The following FRMD4A variants were observed in gnomAD, a reference collection of about 807,000 sequenced individuals.
FRMD4A encodes FERM domain-containing protein 4A.
FRMD4A carries 29 observed loss-of-function variants against 129.1 expected under a neutral mutation model. That is an observed-to-expected ratio of 0.22 (90% CI 0.17 to 0.31). FRMD4A has a LOEUF of 0.31. Among genes scored for constraint, FRMD4A ranks in the 10% least tolerant of loss-of-function variants. FRMD4A has a pLI of 1.00. For synonymous variants in FRMD4A, 634 were observed against 571.6 expected (o/e 1.11, Z -1.56); for missense variants, 1,272 against 1,375.8 (o/e 0.92, Z 1.19).
intron 13 of FRMD4A, among the ~76,000 whole-genome samples, chr10:13,701,864 A>G (rs547327341): frequency 8.5e-5 from 13 of 152,332 alleles, no homozygotes; most frequent in African/African-American, 2.9e-4. Flanking sequence ...AAATGTGCCT[A>G]CGGTGGGGAT....
chr10:13,691,237 C>T (rs896302941), intron 15 of FRMD4A, among the ~76,000 whole-genome samples: 1 of 152,256 alleles, frequency 6.6e-6, no homozygotes, highest in African/African-American at 2.4e-5. Context: ...ATCCGCCTGC[C>T]TTGGCCTCCC....
chr10:13,793,187 T>G (rs2093040887), intron 5 of FRMD4A, among the ~76,000 whole-genome samples: 1 of 151,242 alleles, frequency 6.6e-6, no homozygotes, highest in East Asian at 1.9e-4. Context: ...TTTTTTTTTT[T>G]GTGAGATGGG....
chr10:14,159,787 C>A (rs1290364380), intron 2 of FRMD4A, among the ~76,000 whole-genome samples: 1 of 152,234 alleles, frequency 6.6e-6, no homozygotes, highest in African/African-American at 2.4e-5. Context: ...CAGTGACTCC[C>A]TCCTGTAATC....
chr10:14,054,047 T>G (rs1834389684), intron 2 of FRMD4A, among the ~76,000 whole-genome samples: 1 of 151,640 alleles, frequency 6.6e-6, no homozygotes, highest in Non-Finnish European at 1.5e-5. Context: ...TACCTGCAGT[T>G]TTAGCTACTT....
chr10:13,887,476 C>T (rs1406098044), intron 2 of FRMD4A, among the ~76,000 whole-genome samples: 4 of 152,042 alleles, frequency 2.6e-5, no homozygotes, highest in African/African-American at 4.8e-5. Flanking sequence ...GTGAGGAGAT[C>T]GAGACCATAC....
At chr10:13,866,768 A>G (rs1347781553) in intron 2 of FRMD4A, among the ~76,000 whole-genome samples, 2 of 152,182 alleles carry the variant, frequency 1.3e-5, no homozygotes, top group Non-Finnish European at 2.9e-5. Flanking sequence ...CTTGGCCAAC[A>G]TGGTGAAACC....
chr10:14,132,726 A>T (rs1394386885), intron 2 of FRMD4A, among the ~76,000 whole-genome samples: 1 of 152,246 alleles, frequency 6.6e-6, no homozygotes, highest in East Asian at 1.9e-4. Flanking sequence ...GTTGAGGATC[A>T]GGACACATCA....
At chr10:14,194,244 G>A (rs972088867) in intron 2 of FRMD4A, among the ~76,000 whole-genome samples, 1 of 152,118 alleles carries the variant, frequency 6.6e-6, no homozygotes, top group East Asian at 1.9e-4. Context: ...CCATCTCTGC[G>A]TTCCTTCATT....
At chr10:13,848,452 G>A (rs2094086615) in intron 3 of FRMD4A, among the ~76,000 whole-genome samples, 1 of 151,142 alleles carries the variant, frequency 6.6e-6, no homozygotes, top group Non-Finnish European at 1.5e-5. Flanking sequence ...AAGGAGCACA[G>A]ACATGGAGGT....
intron 3 of FRMD4A, among the ~76,000 whole-genome samples, chr10:13,852,623 C>T (rs554349136): frequency 6.6e-5 from 10 of 152,200 alleles, no homozygotes; most frequent in African/African-American, 1.2e-4. Context: ...CATTTTAACA[C>T]GGACTCACCA....
chr10:14,162,406 T>C (rs551615258), intron 2 of FRMD4A, among the ~76,000 whole-genome samples: 1 of 152,332 alleles, frequency 6.6e-6, no homozygotes, highest in African/African-American at 2.4e-5. Context: ...GGTCCTCTGG[T>C]ACAAGTGTAT....
chr10:13,732,119 G>A (rs1408595090), intron 12 of FRMD4A, among the ~76,000 whole-genome samples: 1 of 152,070 alleles, frequency 6.6e-6, no homozygotes, highest in Non-Finnish European at 1.5e-5. Context: ...CTCTGTTCTC[G>A]GAGCCACCGG....
chr10:13,799,080 A>G (rs1564822554), intron 4 of FRMD4A, among the ~76,000 whole-genome samples: 1 of 152,204 alleles, frequency 6.6e-6, no homozygotes. Context: ...CACCCACCCT[A>G]GGGGCTCACC....
At chr10:13,684,370 A>C in intron 15 of FRMD4A, 1 of 985,144 alleles carries the variant, frequency 1.0e-6, no homozygotes, top group Non-Finnish European at 1.2e-6. Flanking sequence ...TTTGGAGTGA[A>C]CTTCCCGATG....
rs1002901195 is a variant in FRMD4A at position 14,180,624 on chromosome 10, T to G, written c.45+149434A>C. On this transcript the variant is annotated intron_variant, in intron 2 of 24. Transcript: ENST00000357447. The stretch of plus-strand genomic sequence containing the variant: ...CTTCTGAAAAACCAATGCCTATTAC[T>G]GTGTGGCACCAGGCATTGCATTTGT... Among the ~76,000 whole-genome samples, 6 of 152,344 alleles carry G rather than the reference T, an allele frequency of 3.9e-5. No individual in the cohort carries two copies. In the South Asian group the frequency reaches 1.2e-3, roughly 32 times the overall value.
rs1843484796 is a variant in FRMD4A, at chr10:14,330,676, C to T, written c.-161G>A. 3 of 398,306 alleles carry T rather than the reference C, an allele frequency of 7.5e-6. No individual in the cohort carries two copies. Among genetic ancestry groups the T allele is most frequent in the Non-Finnish European group, 1.3e-5 (3 of 226,186 alleles). 24.7% of individuals were successfully genotyped at this position (398,306 alleles called of 1,614,324 possible). A position where few individuals can be genotyped will look rare whatever the true frequency, so the allele number is the denominator to read the frequency against. ...CAAAATCAGATATCTGGGAGTGAGACAGCCGAGTCTGACCATGAGGCACCA... is the reference window on the plus strand; with the variant it reads ...CAAAATCAGATATCTGGGAGTGAGATAGCCGAGTCTGACCATGAGGCACCA... On this transcript the variant is annotated 5_prime_UTR_variant, in exon 1 of 25. Transcript: ENST00000357447.
intron 8 of FRMD4A, among the ~76,000 whole-genome samples, chr10:13,759,878 T>A (rs1485388554): frequency 6.6e-6 from 1 of 152,042 alleles, no homozygotes; most frequent in Non-Finnish European, 1.5e-5. Context: ...AAAAGGGGCC[T>A]GGAGGTCTCT....
At chr10:13,903,726 A>C (rs565242552) in intron 2 of FRMD4A, among the ~76,000 whole-genome samples, 2 of 152,000 alleles carry the variant, frequency 1.3e-5, no homozygotes, top group African/African-American at 4.8e-5. Context: ...AAAATAAAAA[A>C]AAAATAGCCA....
At chr10:13,814,574 C>A (rs563057578) in intron 3 of FRMD4A, among the ~76,000 whole-genome samples, 2 of 72,002 alleles carry the variant, frequency 2.8e-5, no homozygotes, top group Non-Finnish European at 2.4e-5. Flanking sequence ...GAGTGAGACC[C>A]TGTTTCAAAA....
Sources: allele counts gnomAD v4.1 joint callset (sites outside exome capture counted in the v4.1 genomes callset), GRCh38; gene constraint gnomAD v4.1.1; transcripts MANE v1.5; gene names NCBI Gene and HGNC (gene_info 2026-07-23, HGNC 2026-07-21).